PCCA: variants seen among roughly 807,000 people sequenced by gnomAD.
The protein encoded by PCCA is propionyl-CoA carboxylase alpha chain, mitochondrial.
A neutral mutation model predicts 101.3 loss-of-function variants in PCCA; 74 were observed. The observed-to-expected ratio is 0.73, with a 90% CI of 0.61 to 0.89. The LOEUF is 0.89. PCCA is among the 40% of genes least tolerant of loss of function. The probability of loss-of-function intolerance (pLI) is 0.00; values close to 1 mark genes in which losing one functional copy is unlikely to be tolerated. For missense variants in PCCA, 891 were observed against 907.0 expected, an observed-to-expected ratio of 0.98 and a Z score of 0.23; for synonymous variants, 294 against 313.6, an observed-to-expected ratio of 0.94 and a Z score of 0.66.
intron 20 of PCCA, among the ~76,000 whole-genome samples, chr13:100,437,345 G>A (rs1241919185): frequency 2.0e-5 from 3 of 152,104 alleles, no homozygotes; most frequent in Non-Finnish European, 4.4e-5. Flanking sequence ...ACCTAAGGGA[G>A]GAGGAAATCA....
chr13:100,263,692 T>A (rs2062683412), intron 10 of PCCA, among the ~76,000 whole-genome samples: 2 of 152,170 alleles, frequency 1.3e-5, no homozygotes, highest in Non-Finnish European at 2.9e-5. Flanking sequence ...TGAACACAGT[T>A]TCTTTCTGAG....
intron 19 of PCCA, among the ~76,000 whole-genome samples, chr13:100,384,912 G>A (rs1217137277): frequency 6.6e-6 from 1 of 152,016 alleles, no homozygotes; most frequent in Non-Finnish European, 1.5e-5. Flanking sequence ...TTAGAAAACT[G>A]ACTTACAGTA....
At chr13:100,261,529 C>T (rs1303179914) in intron 9 of PCCA, among the ~76,000 whole-genome samples, 1 of 151,976 alleles carries the variant, frequency 6.6e-6, no homozygotes, top group Non-Finnish European at 1.5e-5. Flanking sequence ...CCACAACCAG[C>T]TAATTTTTGT....
chr13:100,255,829 A>G (rs374943242), intron 8 of PCCA, among the ~76,000 whole-genome samples: 6 of 152,134 alleles, frequency 3.9e-5, no homozygotes, highest in Admixed American at 1.3e-4. Flanking sequence ...ACAATCTTCT[A>G]TGCTTTGTCC....
At chr13:100,369,977 C>G (rs1449115222) in intron 19 of PCCA, among the ~76,000 whole-genome samples, 1 of 150,780 alleles carries the variant, frequency 6.6e-6, no homozygotes, top group African/African-American at 2.4e-5. Flanking sequence ...ACCACTGAAG[C>G]CTTACTGTAA....
chr13:100,290,715 C>CT (rs1182907509), intron 12 of PCCA, among the ~76,000 whole-genome samples: 1 of 152,174 alleles, frequency 6.6e-6, no homozygotes, highest in Non-Finnish European at 1.5e-5. Context: ...CCTTGTGGAA[C>CT]TTCTAGTTTT....
chr13:100,154,858 A>G, intron 4 of PCCA, 121 bp from the exon 5 acceptor site: 1 of 757,236 alleles, frequency 1.3e-6, no homozygotes, highest in Non-Finnish European at 2.4e-6. Context: ...ATACTCAAAA[A>G]GAAATACGAC....
chr13:100,131,371 T>G (rs2050498866), intron 4 of PCCA, among the ~76,000 whole-genome samples: 1 of 152,140 alleles, frequency 6.6e-6, no homozygotes, highest in Admixed American at 6.6e-5. Flanking sequence ...AGCCGTGATT[T>G]CCAAGAACGA....
chr13:100,205,120 A>G (rs2058773861), intron 6 of PCCA, among the ~76,000 whole-genome samples: 1 of 152,224 alleles, frequency 6.6e-6, no homozygotes, highest in African/African-American at 2.4e-5. Flanking sequence ...GCATAACAAA[A>G]AACTTACAGT....
intron 17 of PCCA, among the ~76,000 whole-genome samples, chr13:100,331,511 G>A (rs758107030): frequency 6.6e-5 from 10 of 152,162 alleles, no homozygotes; most frequent in Non-Finnish European, 1.0e-4. Context: ...GTTGTTGGGT[G>A]CATTTATAAA....
rs9554691 is a variant in PCCA at position 100,486,793 on chromosome 13, C to G, written c.1900-28634C>G. ...AATAAGCCAGGTGTGATGATACATG[C>G]CCATGACCCCAGCTACTCAAGAGGC... On this transcript the variant is annotated intron_variant, in intron 21 of 23. Transcript: ENST00000376285. Among the ~76,000 whole-genome samples, 661 of 152,226 alleles carry G rather than the reference C, an allele frequency of 4.3e-3. 33 individuals carry two copies. In the East Asian group the frequency reaches 0.098, roughly 23 times the overall value.
rs1278045170 is a variant in PCCA at position 100,150,937 on chromosome 13, G to T, written c.301-4042G>T. On this transcript the variant is annotated intron_variant, in intron 4 of 23. Transcript: ENST00000376285. ...ATATAACGTAACCTTGCTTGGCCTC[G>T]CAGCCCAGTCAGCGCGCTTTATCAG... 9 of 1,531,422 alleles carry T rather than the reference G, an allele frequency of 5.9e-6. No homozygotes were observed. The African/African-American group carries it at 8.2e-5, about 14-fold the overall frequency. 94.9% of individuals were successfully genotyped at this position (1,531,422 alleles called of 1,614,324 possible).
At chr13:100,508,677 G>C (rs545868437) in intron 21 of PCCA, among the ~76,000 whole-genome samples, 16 of 152,340 alleles carry the variant, frequency 1.1e-4, no homozygotes, top group Admixed American at 9.8e-4. Context: ...GCTTCACTGA[G>C]GCGTGTTGGT....
intron 18 of PCCA, among the ~76,000 whole-genome samples, chr13:100,354,577 G>T (rs1185632059): frequency 1.3e-5 from 2 of 151,996 alleles, no homozygotes; most frequent in African/African-American, 2.4e-5. Context: ...TGTGTTTGTT[G>T]GAAAGATCAC....
intron 4 of PCCA, among the ~76,000 whole-genome samples, chr13:100,133,533 G>A (rs2050776298): frequency 6.6e-6 from 1 of 152,162 alleles, no homozygotes; most frequent in African/African-American, 2.4e-5. Flanking sequence ...TGTTAGATAT[G>A]TGATCCATCT....
chr13:100,190,081 C>T (rs1442212805), intron 6 of PCCA, among the ~76,000 whole-genome samples: 2 of 152,112 alleles, frequency 1.3e-5, no homozygotes, highest in African/African-American at 2.4e-5. Context: ...AGAATCTAGC[C>T]TCCTCTTATA....
intron 15 of PCCA, among the ~76,000 whole-genome samples, chr13:100,308,104 C>T (rs978068816): frequency 2.6e-5 from 4 of 152,256 alleles, no homozygotes; most frequent in Admixed American, 2.6e-4. Context: ...CCGCCCGCCT[C>T]GGCCTCCCAA....
At chr13:100,299,470 T>C (rs529089189) in intron 12 of PCCA, among the ~76,000 whole-genome samples, 36 of 152,384 alleles carry the variant, frequency 2.4e-4, no homozygotes, top group African/African-American at 8.7e-4. Flanking sequence ...ATCAGGAAGA[T>C]AATGTCATCT....
At chr13:100,473,236 G>C (rs116404483) in intron 21 of PCCA, 4 of 152,214 alleles carry the variant, frequency 2.6e-5, no homozygotes, top group African/African-American at 9.7e-5. Context: ...GGCCACCGCC[G>C]TGCCTTCCCT....
Sources: gnomAD v4.1 joint callset for allele counts (sites outside exome capture counted in the v4.1 genomes callset) on GRCh38, gnomAD v4.1.1 for gene constraint, MANE v1.5 for transcripts, NCBI Gene and HGNC (gene_info 2026-07-23, HGNC 2026-07-21) for gene names.